Variants in RIMS3 observed in about 807,000 individuals in gnomAD.
The protein encoded by RIMS3 is regulating synaptic membrane exocytosis protein 3.
A neutral mutation model predicts 29.2 loss-of-function variants in RIMS3; 15 were observed. That is an observed-to-expected ratio of 0.51 (90% CI 0.34 to 0.79). RIMS3 has a LOEUF of 0.79. RIMS3 is among the 30% of genes least tolerant of loss of function. RIMS3 has a pLI of 0.01. For missense variants in RIMS3, 342 were observed against 421.4 expected, an observed-to-expected ratio of 0.81 and a Z score of 1.65; for synonymous variants, 161 against 170.1, an observed-to-expected ratio of 0.95 and a Z score of 0.41.
chr1:40,674,152 T>TG, the RIMS3 span, among the ~76,000 whole-genome samples: 1 of 152,198 alleles, frequency 6.6e-6, no homozygotes, highest in South Asian at 2.1e-4. Flanking sequence ...CATAAGCTTC[T>TG]GGGGGCAAGA....
chr1:40,642,802 A>G (rs1181218159), intron 2 of RIMS3, among the ~76,000 whole-genome samples: 1 of 103,710 alleles, frequency 9.6e-6, no homozygotes, highest in African/African-American at 3.6e-5. Context: ...CTAAAAATAC[A>G]AAAATTAGCT....
chr1:40,683,840 C>T, the RIMS3 span, among the ~76,000 whole-genome samples: 1 of 152,152 alleles, frequency 6.6e-6, no homozygotes, highest in Non-Finnish European at 1.5e-5. Context: ...GACCTCTTTA[C>T]CCTCTTTTCC....
chr1:40,626,832 G>GA, intron 7 of RIMS3, 103 bp from the exon 8 acceptor site: 1 of 999,022 alleles, frequency 1.0e-6, no homozygotes, highest in African/African-American at 1.6e-5. Flanking sequence ...AGATGGAGCA[G>GA]AGGGAGCCAG....
chr1:40,684,397 A>C, the RIMS3 span, among the ~76,000 whole-genome samples: 1 of 152,334 alleles, frequency 6.6e-6, no homozygotes, highest in South Asian at 2.1e-4. Context: ...CTCCAGAAGA[A>C]AAATCCTGTC....
intron 2 of RIMS3, among the ~76,000 whole-genome samples, chr1:40,642,262 G>C (rs1322930647): frequency 6.6e-6 from 1 of 152,190 alleles, no homozygotes; most frequent in Non-Finnish European, 1.5e-5. Flanking sequence ...GCGTGGACTT[G>C]TGACCAAACA....
the RIMS3 span, among the ~76,000 whole-genome samples, chr1:40,674,265 G>C: frequency 6.6e-6 from 1 of 152,314 alleles, no homozygotes; most frequent in Admixed American, 6.5e-5. Flanking sequence ...GAAATGTTCT[G>C]GGCAGGAAAT....
At chr1:40,663,423 G>C (rs1185330572) in intron 1 of RIMS3, among the ~76,000 whole-genome samples, 1 of 152,110 alleles carries the variant, frequency 6.6e-6, no homozygotes, top group Non-Finnish European at 1.5e-5. Context: ...TGGGGCAGGT[G>C]AGAGTTCTCA....
At chr1:40,687,967 C>T in the RIMS3 span, among the ~76,000 whole-genome samples, 3 of 151,982 alleles carry the variant, frequency 2.0e-5, no homozygotes, top group East Asian at 3.9e-4. Flanking sequence ...CTTTTAGTGC[C>T]GCTTTTCTAT....
Position 40,626,666 on chromosome 1 carries a change from T to C in RIMS3, c.778A>G (p.Met260Val), listed in dbSNP as rs759392137. Residue 260 changes from methionine (M) to valine (V), a missense_variant, in exon 8 of 8, where the codon ATG becomes GTG. Met to Val is a conservative substitution (Grantham distance 21). Transcript: ENST00000372684. Reference sequence around the variant, plus strand: ...GCGCTGAGGTCCAGCTCGTCCAGCATGATCTGGGCCATGCCCATGAAGCAC... The same window carrying C: ...GCGCTGAGGTCCAGCTCGTCCAGCACGATCTGGGCCATGCCCATGAAGCAC... ...HKCFMGMAQI[M>V]LDELDLSAAV... The C allele has an allele frequency of 1.5e-5, 25 of 1,614,082 alleles. No homozygotes were observed. Among genetic ancestry groups the C allele is most frequent in the East Asian group, 4.5e-5 (2 of 44,890 alleles).
chr1:40,689,344 T>G, the RIMS3 span, among the ~76,000 whole-genome samples: 28 of 152,230 alleles, frequency 1.8e-4, no homozygotes, highest in African/African-American at 6.0e-4. Flanking sequence ...TGCAGTGGCG[T>G]GATATTTGCT....
At position 40,647,726 on chromosome 1, in the gene RIMS3, C is replaced by T. The variant is rs1646604939; in HGVS notation, c.-90G>A. 1 of 152,188 alleles carries T rather than the reference C, an allele frequency of 6.6e-6. No homozygotes were observed. The highest frequency in any genetic ancestry group is 1.5e-5 in the Non-Finnish European group (1 of 68,052). 9.4% of individuals were successfully genotyped at this position (152,188 alleles called of 1,614,324 possible). On this transcript the variant is annotated 5_prime_UTR_variant, in exon 2 of 8. It adds an upstream start codon to the 5' untranslated region. Transcript: ENST00000372684. ...CACAGGGGGCTGCCTCCCAACAGCACACCCCTAGGGCATTTGCACAAGGCT... is the reference window on the plus strand; with the variant it reads ...CACAGGGGGCTGCCTCCCAACAGCATACCCCTAGGGCATTTGCACAAGGCT...
At chr1:40,687,292 A>T in the RIMS3 span, among the ~76,000 whole-genome samples, 4 of 145,068 alleles carry the variant, frequency 2.8e-5, no homozygotes, top group Non-Finnish European at 6.0e-5. Flanking sequence ...ATGTCACTGA[A>T]ATGTATACTT....
chr1:40,680,180 A>G, the RIMS3 span, among the ~76,000 whole-genome samples: 2 of 152,024 alleles, frequency 1.3e-5, no homozygotes, highest in Non-Finnish European at 2.9e-5. Context: ...CAAAAACAAA[A>G]AACAAGAACA....
At chr1:40,653,235 A>G (rs1271945694) in intron 1 of RIMS3, among the ~76,000 whole-genome samples, 2 of 152,120 alleles carry the variant, frequency 1.3e-5, no homozygotes, top group Non-Finnish European at 2.9e-5. Context: ...TGTGGAAAGG[A>G]AGGAGAATGC....
At position 40,625,743 on chromosome 1, in the gene RIMS3, G is replaced by C. The variant is rs549754392; in HGVS notation, c.*774C>G. On this transcript the variant is annotated 3_prime_UTR_variant, in exon 8 of 8. Coordinates refer to ENST00000372684, the MANE Select transcript of RIMS3 (RefSeq NM_014747.3). ...ACAGGAGATGAAGAACAAATGCTAA[G>C]GGGGCACCTGGCCAGGAACCCTGGA... 6.5e-6 allele frequency: 1 copy of C among 152,884 alleles called. No homozygotes were observed. The highest frequency in any genetic ancestry group is 2.4e-5 in the African/African-American group (1 of 41,566). The allele number at this position is 152,884 out of a possible 1,614,324, so 9.5% of individuals were successfully genotyped here. A position where few individuals can be genotyped will look rare whatever the true frequency, so the allele number is the denominator to read the frequency against.
Position 40,629,629 on chromosome 1 carries a change from G to A in RIMS3, c.473-257C>T, listed in dbSNP as rs1570170654. 2.0e-5 allele frequency among the ~76,000 whole-genome samples: 3 copies of A among 152,282 alleles called. 1 individual carries two copies. Among genetic ancestry groups the A allele is most frequent in the Admixed American group, 6.5e-5 (1 of 15,296 alleles). On this transcript the variant is annotated intron_variant, in intron 5 of 7. Coordinates refer to ENST00000372684, the MANE Select transcript of RIMS3 (RefSeq NM_014747.3). ...CATGACTGGGTAACAACAGATGGCT[G>A]CCAAACCCCCATTTGTGTCTGGCTA...
At position 40,627,956 on chromosome 1, in the gene RIMS3, C is replaced by T. The variant is rs144558665; in HGVS notation, c.714+854G>A. 5.4e-3 allele frequency among the ~76,000 whole-genome samples: 822 copies of T among 152,280 alleles called. 5 individuals are homozygous for T. The highest frequency in any genetic ancestry group is 9.5e-3 in the Admixed American group (145 of 15,292). ...GCCCCTTGCCACAGAACCATCTCAG[C>T]CCAGAGGAGCAGCCCTAGATGAGAA... On this transcript the variant is annotated intron_variant, in intron 7 of 7. Coordinates refer to ENST00000372684, the MANE Select transcript of RIMS3 (RefSeq NM_014747.3).
At chr1:40,681,755 C>T in the RIMS3 span, among the ~76,000 whole-genome samples, 2 of 152,314 alleles carry the variant, frequency 1.3e-5, no homozygotes, top group East Asian at 3.9e-4. Context: ...AGGCAAGGAC[C>T]TGACAAACAG....
At chr1:40,690,212 A>T in the RIMS3 span, among the ~76,000 whole-genome samples, 2 of 152,224 alleles carry the variant, frequency 1.3e-5, no homozygotes, top group Non-Finnish European at 2.9e-5. Flanking sequence ...CAAGCATAGT[A>T]TATGCAATAA....
Sources: allele counts gnomAD v4.1 joint callset (sites outside exome capture counted in the v4.1 genomes callset), GRCh38; gene constraint gnomAD v4.1.1; transcripts MANE v1.5; gene names NCBI Gene and HGNC (gene_info 2026-07-23, HGNC 2026-07-21).